SCIMP: variants seen among roughly 807,000 people sequenced by gnomAD.
SCIMP encodes the protein SLP adapter and CSK-interacting membrane protein.
In SCIMP, 18 loss-of-function variants were observed where a neutral mutation model predicts 22.0. The ratio of observed to expected loss-of-function variants is 0.82; its 90% CI spans 0.56 to 1.21. SCIMP has a LOEUF of 1.21. Among genes scored for constraint, SCIMP ranks in the 50% most tolerant of loss-of-function variants. SCIMP has a pLI of 0.00. For missense variants in SCIMP, 155 were observed against 171.2 expected (o/e 0.91, Z 0.53); for synonymous variants, 53 against 62.2 (o/e 0.85, Z 0.70).
At chr17:5,223,097 T>C (rs917251310) in intron 2 of SCIMP, among the ~76,000 whole-genome samples, 3 of 152,208 alleles carry the variant, frequency 2.0e-5, no homozygotes, top group Non-Finnish European at 4.4e-5. Context: ...TGATTAGGGC[T>C]GGAAGGGCTC....
At chr17:5,225,718 T>C (rs1186891819) in intron 1 of SCIMP, among the ~76,000 whole-genome samples, 2 of 149,826 alleles carry the variant, frequency 1.3e-5, no homozygotes, top group African/African-American at 2.5e-5. Flanking sequence ...GCCGAGGTTG[T>C]GCCATTGCAC....
chr17:5,218,690 AT>A (rs1432520070), intron 3 of SCIMP, among the ~76,000 whole-genome samples: 1 of 152,112 alleles, frequency 6.6e-6, no homozygotes, highest in East Asian at 1.9e-4. Flanking sequence ...TGCCTGACAC[AT>A]TTGTCTTATT....
At position 5,209,031 on chromosome 17, in the gene SCIMP, C is replaced by G. The variant is rs1248064546; in HGVS notation, c.*1770G>C. Reference sequence around the variant, plus strand: ...TCCAATCCTTTGGCTTATTTTTGTTCTATAATTTGGGAAGAGTCCTCTCTT... The same window carrying G: ...TCCAATCCTTTGGCTTATTTTTGTTGTATAATTTGGGAAGAGTCCTCTCTT... On this transcript the variant is annotated 3_prime_UTR_variant, in exon 5 of 5. Transcript: ENST00000574081. 6.6e-6 allele frequency: 1 copy of G among 152,160 alleles called. No homozygotes were observed. The highest frequency in any genetic ancestry group is 1.9e-4 in the East Asian group (1 of 5,198). 9.4% of individuals were successfully genotyped at this position (152,160 alleles called of 1,614,324 possible).
chr17:5,227,292 A>AACACACACACACAC (rs10681110), intron 1 of SCIMP, among the ~76,000 whole-genome samples: 1,815 of 144,292 alleles, frequency 0.013, 23 homozygotes, highest in African/African-American at 0.029. Context: ...ACACACACAC[A>AACACACACACACAC]ACACACACAC....
rs776089064 is a variant in SCIMP, at chr17:5,221,350, C to T, written c.146G>A (p.Gly49Asp). Reference sequence around the variant, plus strand: ...GGGCTTGGCAATTTCCCATTTCTTGCCTAAGAGGGGAAAAGCATGTTCATT... The same window carrying T: ...GGGCTTGGCAATTTCCCATTTCTTGTCTAAGAGGGGAAAAGCATGTTCATT... ...YCVCKWQLRR[G>D]KKWEIAKPLK... Residue 49 changes from glycine (G) to aspartate (D), a missense_variant and splice_region_variant, in exon 3 of 5, where the codon GGC (glycine) becomes GAC (aspartate). Gly to Asp is a moderately conservative substitution (Grantham distance 94). Coordinates refer to ENST00000574081, the MANE Select transcript of SCIMP (RefSeq NM_207103.3). 3.7e-6 allele frequency: 6 copies of T among 1,611,534 alleles called. No homozygotes were observed. The East Asian group carries it at 1.1e-4, about 30-fold the overall frequency.
At chr17:5,222,405 A>C (rs1053925081) in intron 2 of SCIMP, among the ~76,000 whole-genome samples, 2 of 151,598 alleles carry the variant, frequency 1.3e-5, no homozygotes, top group African/African-American at 4.8e-5. Context: ...TGTTATTTAA[A>C]GGAATGAGAG....
chr17:5,232,072 A>T lies in SCIMP; in HGVS notation c.21+2663T>A, dbSNP rs193101142. The stretch of plus-strand genomic sequence containing the variant: ...CTCCGTCTCAAAAACAAAAAAAAAA[A>T]ACTGGTCACCTCAGTGATTGGCTTA... On this transcript the variant is annotated intron_variant, in intron 1 of 4. Coordinates refer to ENST00000574081, the MANE Select transcript of SCIMP (RefSeq NM_207103.3). Among the ~76,000 whole-genome samples the T allele has an allele frequency of 1.4e-4, 21 of 152,082 alleles. 1 individual carries two copies. In the East Asian group the frequency reaches 4.1e-3, roughly 29 times the overall value.
At chr17:5,227,959 G>A (rs1315384529) in intron 1 of SCIMP, among the ~76,000 whole-genome samples, 1 of 152,104 alleles carries the variant, frequency 6.6e-6, no homozygotes, top group Middle Eastern at 3.2e-3. Flanking sequence ...CAGATCATGA[G>A]GTCAGGAGTT....
chr17:5,223,694 C>T, intron 1 of SCIMP: 1 of 427,252 alleles, frequency 2.3e-6, no homozygotes, highest in South Asian at 2.2e-5. Context: ...GGACTACAGG[C>T]ACCTGCCACC....
At chr17:5,229,874 G>GCTCCT (rs1318723397) in intron 1 of SCIMP, among the ~76,000 whole-genome samples, 1 of 123,436 alleles carries the variant, frequency 8.1e-6, no homozygotes, top group Non-Finnish European at 1.6e-5. Context: ...TCTCCTCTCT[G>GCTCCT]CTCCTCTCCT....
intron 1 of SCIMP, among the ~76,000 whole-genome samples, chr17:5,226,168 G>T (rs554482640): frequency 6.6e-6 from 1 of 152,162 alleles, no homozygotes; most frequent in Non-Finnish European, 1.5e-5. Flanking sequence ...TTGTGACTGC[G>T]TGGAAGGTCG....
At chr17:5,215,160 T>C in intron 3 of SCIMP, 162 bp from the exon 4 acceptor site, 2 of 562,210 alleles carry the variant, frequency 3.6e-6, no homozygotes, top group South Asian at 4.7e-5. Flanking sequence ...CTGGTTCCCA[T>C]TTGTAATTGG....
intron 1 of SCIMP, among the ~76,000 whole-genome samples, chr17:5,224,293 C>G (rs2144331632): frequency 6.6e-6 from 1 of 152,080 alleles, no homozygotes; most frequent in Non-Finnish European, 1.5e-5. Context: ...CACGACCACG[C>G]CCGGCTGATT....
chr17:5,223,228 C>T (rs1305688387), intron 2 of SCIMP, 105 bp downstream of exon 2: 2 of 1,234,232 alleles, frequency 1.6e-6, no homozygotes, highest in Non-Finnish European at 2.3e-6. Context: ...ATCCAAAATT[C>T]AGCTCATTCA....
intron 2 of SCIMP, among the ~76,000 whole-genome samples, chr17:5,222,326 C>T (rs1331724386): frequency 1.3e-5 from 2 of 151,606 alleles, no homozygotes; most frequent in Admixed American, 6.6e-5. Context: ...CTCCTCACCT[C>T]GTGGTCCACC....
intron 3 of SCIMP, among the ~76,000 whole-genome samples, chr17:5,220,445 A>AAAAAAAAAAGAG (rs2074597949): frequency 6.6e-6 from 1 of 151,164 alleles, no homozygotes; most frequent in African/African-American, 2.4e-5. Flanking sequence ...AAAAAAAAAA[A>AAAAAAAAAAGAG]AAAAAAAAAG....
chr17:5,219,163 C>T (rs942152510), intron 3 of SCIMP, among the ~76,000 whole-genome samples: 11 of 151,262 alleles, frequency 7.3e-5, no homozygotes, highest in Non-Finnish European at 1.5e-4. Context: ...ACTAAAAATA[C>T]AAAAAATTAG....
chr17:5,232,016 A>C (rs2074700560), intron 1 of SCIMP, among the ~76,000 whole-genome samples: 1 of 152,094 alleles, frequency 6.6e-6, no homozygotes. Flanking sequence ...AGATTGCGCC[A>C]CTGCACTCCA....
intron 2 of SCIMP, 37 bp downstream of exon 2, chr17:5,223,296 C>T: frequency 1.2e-6 from 2 of 1,611,436 alleles, no homozygotes; most frequent in South Asian, 1.1e-5. Flanking sequence ...AACCACCTGG[C>T]TCCTCCCTCC....
Sources: allele counts gnomAD v4.1 joint callset (sites outside exome capture counted in the v4.1 genomes callset), GRCh38; gene constraint gnomAD v4.1.1; transcripts MANE v1.5; gene names NCBI Gene and HGNC (gene_info 2026-07-23, HGNC 2026-07-21).